Variants in FHIT observed in about 807,000 individuals in gnomAD.
FHIT encodes the protein fragile histidine triad diadenosine triphosphatase.
In FHIT, 19 loss-of-function variants were observed where a neutral mutation model predicts 17.9. That is an observed-to-expected ratio of 1.06 (90% CI 0.74 to 1.56). The LOEUF is 1.56. Ranked by LOEUF, FHIT falls within the 40% of genes most tolerant of loss-of-function variation. The probability of loss-of-function intolerance (pLI) is 0.00; values close to 1 mark genes in which losing one functional copy is unlikely to be tolerated. For missense variants in FHIT, 248 were observed against 189.2 expected (o/e 1.31, Z -1.82); for synonymous variants, 81 against 69.7 (o/e 1.16, Z -0.81).
intron 3 of FHIT, among the ~76,000 whole-genome samples, chr3:60,977,225 G>A (rs1180608203): frequency 6.6e-6 from 1 of 152,206 alleles, no homozygotes; most frequent in African/African-American, 2.4e-5. Context: ...GTTGCTGGAA[G>A]CGGAAGCAAA....
At chr3:60,675,190 T>C (rs933197937) in intron 4 of FHIT, among the ~76,000 whole-genome samples, 4 of 152,210 alleles carry the variant, frequency 2.6e-5, no homozygotes, top group South Asian at 4.1e-4. Flanking sequence ...TAGTTATTCA[T>C]GAAATGAGGT....
chr3:60,713,374 A>G (rs1488174153), intron 4 of FHIT, among the ~76,000 whole-genome samples: 2 of 151,316 alleles, frequency 1.3e-5, no homozygotes, highest in Non-Finnish European at 2.9e-5. Context: ...AGAACTAGAA[A>G]AGCAAGAGCA....
chr3:60,567,594 A>C (rs1355374937), intron 4 of FHIT, among the ~76,000 whole-genome samples: 2 of 152,226 alleles, frequency 1.3e-5, no homozygotes, highest in Non-Finnish European at 2.9e-5. Context: ...ACAAAAGCCA[A>C]AATTGACAAA....
At chr3:61,159,565 G>C (rs746388616) in intron 2 of FHIT, among the ~76,000 whole-genome samples, 9 of 152,236 alleles carry the variant, frequency 5.9e-5, no homozygotes, top group South Asian at 2.1e-4. Context: ...TGGATACAAG[G>C]AGCAGCCATC....
At chr3:60,458,033 C>A (rs1382098087) in intron 5 of FHIT, among the ~76,000 whole-genome samples, 8 of 152,152 alleles carry the variant, frequency 5.3e-5, no homozygotes. Context: ...GGCGGTTCCT[C>A]AGGGATCCAG....
intron 5 of FHIT, among the ~76,000 whole-genome samples, chr3:60,060,500 C>A (rs1198355680): frequency 6.6e-6 from 1 of 152,192 alleles, no homozygotes; most frequent in Non-Finnish European, 1.5e-5. Flanking sequence ...GTATTAACTA[C>A]TTTATGTGTC....
At chr3:60,544,727 G>C (rs2036305928) in intron 4 of FHIT, among the ~76,000 whole-genome samples, 1 of 151,108 alleles carries the variant, frequency 6.6e-6, no homozygotes. Context: ...CTCCCAAGTA[G>C]CTGGGATTGC....
intron 7 of FHIT, among the ~76,000 whole-genome samples, chr3:59,978,701 T>C (rs1232619297): frequency 1.3e-5 from 2 of 149,526 alleles, no homozygotes; most frequent in East Asian, 2.1e-4. Flanking sequence ...GCCTATCCAA[T>C]AGTTTTTCAG....
intron 5 of FHIT, among the ~76,000 whole-genome samples, chr3:60,453,109 T>C (rs1051553354): frequency 6.6e-6 from 1 of 152,114 alleles, no homozygotes; most frequent in Admixed American, 6.6e-5. Flanking sequence ...TGCTCTTTTA[T>C]GAGCCAAATT....
intron 5 of FHIT, among the ~76,000 whole-genome samples, chr3:60,191,703 C>T (rs1702410585): frequency 6.6e-6 from 1 of 152,064 alleles, no homozygotes; most frequent in African/African-American, 2.4e-5. Context: ...AACCCTACCT[C>T]ACACCTTATC....
chr3:60,314,752 C>T (rs1478958790), intron 5 of FHIT, among the ~76,000 whole-genome samples: 4 of 152,064 alleles, frequency 2.6e-5, no homozygotes, highest in Non-Finnish European at 5.9e-5. Flanking sequence ...TGTTCCTTCT[C>T]CCTGAGTAAG....
At chr3:61,006,688 T>C (rs1220615924) in intron 3 of FHIT, among the ~76,000 whole-genome samples, 1 of 152,060 alleles carries the variant, frequency 6.6e-6, no homozygotes, top group Admixed American at 6.6e-5. Flanking sequence ...ACATTTTCTC[T>C]TTATAGAAAA....
intron 4 of FHIT, among the ~76,000 whole-genome samples, chr3:60,594,478 C>A (rs1390886955): frequency 2.6e-5 from 4 of 152,048 alleles, no homozygotes; most frequent in African/African-American, 7.2e-5. Flanking sequence ...CAAGTGTTGC[C>A]CCCTGCATCC....
chr3:61,082,621 T>A (rs984961234), intron 2 of FHIT, among the ~76,000 whole-genome samples: 5 of 152,172 alleles, frequency 3.3e-5, no homozygotes, highest in African/African-American at 1.2e-4. Context: ...ATTGCCAGTT[T>A]TCTAAAGTAA....
At chr3:60,706,098 A>G (rs921863703) in intron 4 of FHIT, among the ~76,000 whole-genome samples, 1 of 152,154 alleles carries the variant, frequency 6.6e-6, no homozygotes, top group African/African-American at 2.4e-5. Context: ...ACGGCACTAC[A>G]TGGATGAAGC....
intron 8 of FHIT, among the ~76,000 whole-genome samples, chr3:59,874,650 G>A (rs1044282339): frequency 2.0e-5 from 3 of 149,860 alleles, no homozygotes; most frequent in East Asian, 2.0e-4. Context: ...GACTTCATCC[G>A]GCTGCTTGCT....
At chr3:60,889,312 C>A (rs1705381682) in intron 3 of FHIT, among the ~76,000 whole-genome samples, 1 of 152,208 alleles carries the variant, frequency 6.6e-6, no homozygotes, top group Non-Finnish European at 1.5e-5. Context: ...ACCTTCCCCT[C>A]CCTTGTCCAA....
rs554393642 is a variant in FHIT, at chr3:61,049,162, T to C, written c.-163-7063A>G. On this transcript the variant is annotated intron_variant, in intron 2 of 9. Transcript: ENST00000492590. Reference sequence around the variant, plus strand: ...TATATATATTTTTAAAATCCATAACTTCATAATGACACATGCATGAAAACT... The same window carrying C: ...TATATATATTTTTAAAATCCATAACCTCATAATGACACATGCATGAAAACT... Among the ~76,000 whole-genome samples the C allele has an allele frequency of 2.4e-3, 370 of 151,398 alleles. 3 individuals are homozygous for C. The highest frequency in any genetic ancestry group is 8.3e-3 in the African/African-American group (342 of 41,294).
chr3:60,457,669 T>C (rs1004798926), intron 5 of FHIT, among the ~76,000 whole-genome samples: 4 of 151,746 alleles, frequency 2.6e-5, no homozygotes, highest in African/African-American at 9.7e-5. Context: ...AGAAAATTTT[T>C]GCAATCTACT....
Sources: gnomAD v4.1 joint callset for allele counts (sites outside exome capture counted in the v4.1 genomes callset) on GRCh38, gnomAD v4.1.1 for gene constraint, MANE v1.5 for transcripts, NCBI Gene and HGNC (gene_info 2026-07-23, HGNC 2026-07-21) for gene names.